The following SRPK2 variants were observed in gnomAD, a reference collection of about 807,000 sequenced individuals.
SRPK2 encodes the protein SFRS protein kinase 2.
SRPK2 carries 21 observed loss-of-function variants against 90.8 expected under a neutral mutation model. The observed-to-expected ratio is 0.23, with a 90% CI of 0.16 to 0.33. The LOEUF (loss-of-function observed/expected upper bound fraction) is 0.33, where lower values mean the gene tolerates loss of function less well. Ranked by LOEUF, SRPK2 falls within the 10% of genes least tolerant of loss-of-function variation. The pLI is 1.00. For synonymous variants in SRPK2, 288 were observed against 311.1 expected (o/e 0.93, Z 0.78); for missense variants, 620 against 869.0 (o/e 0.71, Z 3.60).
chr7:105,125,129 CA>C (rs61616576), intron 15 of SRPK2, among the ~76,000 whole-genome samples: 1,473 of 88,068 alleles, frequency 0.017, 6 homozygotes, highest in Middle Eastern at 0.024. Flanking sequence ...GACTCCATCT[CA>C]AAAAAAAAAA....
Position 105,169,276 on chromosome 7 carries a change from A to G in SRPK2, c.230-11T>C. The G allele has an allele frequency of 6.3e-7, 1 of 1,585,998 alleles. No individual in the cohort carries two copies. The highest frequency in any genetic ancestry group is 8.6e-7 in the Non-Finnish European group (1 of 1,158,538). ...CTGGATGATATCCACCTTAAAAAAC[A>G]AGAAAGAAAGAAAAAAATTCAAAAT... is the stretch of plus-strand genomic sequence containing the variant. On this transcript the variant is annotated splice_polypyrimidine_tract_variant and intron_variant, in intron 3 of 15. Transcript: ENST00000393651.
At chr7:105,122,773 T>C (rs984714907) in intron 15 of SRPK2, among the ~76,000 whole-genome samples, 1 of 152,082 alleles carries the variant, frequency 6.6e-6, no homozygotes, top group East Asian at 1.9e-4. Flanking sequence ...TTCAATTGTA[T>C]TTAAGGTCTG....
intron 3 of SRPK2, among the ~76,000 whole-genome samples, chr7:105,177,644 G>A (rs115388965): frequency 3.3e-4 from 50 of 152,134 alleles, no homozygotes; most frequent in South Asian, 6.2e-4. Context: ...CTATGCATGC[G>A]TCAGGGCAGG....
intron 2 of SRPK2, among the ~76,000 whole-genome samples, chr7:105,323,967 TTGTG>T (rs58288208): frequency 0.032 from 4,251 of 133,722 alleles, 107 homozygotes; most frequent in African/African-American, 0.069. Flanking sequence ...AGACTATTCT[TTGTG>T]TGTGTGTGTG....
At chr7:105,278,294 G>A (rs56296263) in intron 2 of SRPK2, among the ~76,000 whole-genome samples, 5,163 of 145,110 alleles carry the variant, frequency 0.036, 319 homozygotes, top group African/African-American at 0.12. Context: ...CAGCCTGGGC[G>A]ACACAGCGAG....
intron 15 of SRPK2, chr7:105,125,874 T>C (rs917636235): frequency 7.7e-7 from 1 of 1,301,082 alleles, no homozygotes; most frequent in South Asian, 1.2e-5. Flanking sequence ...TGCTATGTGA[T>C]CTGCATTGGG....
intron 7 of SRPK2, among the ~76,000 whole-genome samples, chr7:105,150,340 G>A (rs978751528): frequency 7.9e-5 from 12 of 152,230 alleles, no homozygotes; most frequent in South Asian, 6.2e-4. Flanking sequence ...CCAACATGGC[G>A]AAACCCTGTC....
At chr7:105,321,414 A>G (rs1812923156) in intron 2 of SRPK2, among the ~76,000 whole-genome samples, 2 of 152,230 alleles carry the variant, frequency 1.3e-5, no homozygotes, top group African/African-American at 4.8e-5. Context: ...CTTGGGTATG[A>G]CAACAGATTC....
At chr7:105,184,831 C>T (rs1037287069) in intron 3 of SRPK2, among the ~76,000 whole-genome samples, 12 of 152,278 alleles carry the variant, frequency 7.9e-5, no homozygotes, top group African/African-American at 2.9e-4. Context: ...GTCATGTGGT[C>T]TTTCCATCTA....
In SRPK2 at chr7:105,295,782, TACC is replaced by T. The variant is rs1250764309; in HGVS notation, c.72-92000_72-91998del. ...AGATGGTTTTATGGGATATACATTT[TACC>T]ACAATTTGAAAGTACACTAGTGGCT... On this transcript the variant is annotated intron_variant, in intron 2 of 15. Transcript: ENST00000393651. Among the ~76,000 whole-genome samples, 13 of 152,346 alleles carry T rather than the reference TACC, an allele frequency of 8.5e-5. No individual in the cohort carries two copies. In the East Asian group the frequency reaches 2.5e-3, roughly 29 times the overall value.
intron 2 of SRPK2, among the ~76,000 whole-genome samples, chr7:105,214,796 T>G (rs1417474747): frequency 6.6e-6 from 1 of 152,178 alleles, no homozygotes; most frequent in Non-Finnish European, 1.5e-5. Context: ...TTCAACAAAA[T>G]CCCTATCAAA....
At chr7:105,345,110 T>C (rs1044317247) in intron 2 of SRPK2, among the ~76,000 whole-genome samples, 2 of 139,514 alleles carry the variant, frequency 1.4e-5, no homozygotes, top group African/African-American at 5.4e-5. Flanking sequence ...CACTCCAGCC[T>C]AGGCAACAAG....
chr7:105,221,118 G>A (rs1463836684), intron 2 of SRPK2, among the ~76,000 whole-genome samples: 1 of 151,966 alleles, frequency 6.6e-6, no homozygotes, highest in Non-Finnish European at 1.5e-5. Context: ...AACATATTAC[G>A]GATATTCCTC....
intron 15 of SRPK2, among the ~76,000 whole-genome samples, chr7:105,122,031 C>T (rs1487226391): frequency 1.3e-5 from 2 of 152,096 alleles, no homozygotes; most frequent in Non-Finnish European, 2.9e-5. Context: ...CCAAGAAATA[C>T]CAATACAAAG....
At chr7:105,346,735 G>C (rs1389642433) in intron 2 of SRPK2, among the ~76,000 whole-genome samples, 1 of 151,694 alleles carries the variant, frequency 6.6e-6, no homozygotes, top group Non-Finnish European at 1.5e-5. Context: ...TCTAGCCTGG[G>C]TGACAGCGCA....
rs75269963 is a variant in SRPK2 at position 105,222,120 on chromosome 7, T to C, written c.72-18335A>G. ...ATACTGTGAAAAACATCTTTAATCA[T>C]GCATCTTTGTCTATACCTTACCAAT... On this transcript the variant is annotated intron_variant, in intron 2 of 15. Coordinates refer to ENST00000393651, the MANE Select transcript of SRPK2 (RefSeq NM_182692.3). 2.8e-3 allele frequency among the ~76,000 whole-genome samples: 426 copies of C among 152,318 alleles called. 11 individuals are homozygous for C. The East Asian group carries it at 0.054, about 19-fold the overall frequency.
rs576877595 is a variant in SRPK2 at position 105,220,803 on chromosome 7, C to G, written c.72-17018G>C. Reference sequence around the variant, plus strand: ...ACCCCCAGCCCTGATTTGATGTCATCCCAGGATGTGTCTCATTTGTTTCAG... The same window carrying G: ...ACCCCCAGCCCTGATTTGATGTCATGCCAGGATGTGTCTCATTTGTTTCAG... On this transcript the variant is annotated intron_variant, in intron 2 of 15. Coordinates refer to ENST00000393651, the MANE Select transcript of SRPK2 (RefSeq NM_182692.3). 1.7e-4 allele frequency among the ~76,000 whole-genome samples: 26 copies of G among 152,104 alleles called. 2 individuals carry two copies. The South Asian group carries it at 4.6e-3, about 27-fold the overall frequency.
chr7:105,183,974 ATTT>A (rs57622134), intron 3 of SRPK2, among the ~76,000 whole-genome samples: 4 of 116,272 alleles, frequency 3.4e-5, no homozygotes, highest in South Asian at 5.3e-4. Context: ...ACTATTACCA[ATTT>A]TTTTTTTTTT....
intron 3 of SRPK2, among the ~76,000 whole-genome samples, chr7:105,187,140 C>T (rs71562646): frequency 0.05 from 7,621 of 152,232 alleles, 293 homozygotes; most frequent in Non-Finnish European, 0.072. Flanking sequence ...ATTTATTATA[C>T]AACAATAATC....
Sources: allele counts gnomAD v4.1 joint callset (sites outside exome capture counted in the v4.1 genomes callset), GRCh38; gene constraint gnomAD v4.1.1; transcripts MANE v1.5; gene names NCBI Gene and HGNC (gene_info 2026-07-23, HGNC 2026-07-21).